The following HYCC2 variants were observed in gnomAD, a reference collection of about 807,000 sequenced individuals.
HYCC2 encodes the protein hyccin 2.
At chr2:201,033,784 C>A in the HYCC2 span, among the ~76,000 whole-genome samples, 1 of 152,050 alleles carries the variant, frequency 6.6e-6, no homozygotes, top group South Asian at 2.1e-4. Context: ...AGCACTCTTC[C>A]CATCTCGGCC....
the HYCC2 span, among the ~76,000 whole-genome samples, chr2:201,031,335 G>C: frequency 4.6e-5 from 7 of 152,022 alleles, no homozygotes; most frequent in African/African-American, 1.7e-4. Context: ...TAACAAAAAA[G>C]AAATCACAAT....
the HYCC2 span, chr2:200,996,366 G>A: frequency 6.6e-6 from 1 of 152,134 alleles, no homozygotes; most frequent in South Asian, 2.1e-4. Flanking sequence ...GGTGGCTCAT[G>A]CCTGTAATCC....
chr2:201,063,785 G>C, the HYCC2 span: 1 of 1,557,906 alleles, frequency 6.4e-7, no homozygotes, highest in Non-Finnish European at 8.7e-7. Flanking sequence ...TGGCAGCCGT[G>C]GTGGTGGTGG....
At chr2:201,020,552 A>G in the HYCC2 span, among the ~76,000 whole-genome samples, 2 of 152,176 alleles carry the variant, frequency 1.3e-5, no homozygotes, top group Non-Finnish European at 2.9e-5. Flanking sequence ...ATCATATTCC[A>G]CTCATCAGGG....
chr2:201,055,362 A>G, the HYCC2 span, among the ~76,000 whole-genome samples: 6 of 151,486 alleles, frequency 4.0e-5, no homozygotes, highest in Non-Finnish European at 8.8e-5. Flanking sequence ...AGCCTGGGCA[A>G]CAAGAGCGAA....
chr2:201,051,251 A>T, the HYCC2 span, among the ~76,000 whole-genome samples: 1 of 152,232 alleles, frequency 6.6e-6, no homozygotes, highest in African/African-American at 2.4e-5. Context: ...TAAAAAGCCT[A>T]TAGCAAGTAT....
the HYCC2 span, among the ~76,000 whole-genome samples, chr2:201,016,108 A>G: frequency 3.4e-4 from 51 of 152,226 alleles, 1 homozygote; most frequent in Non-Finnish European, 6.0e-4. Context: ...TACATCCAAA[A>G]ACATTCATAA....
the HYCC2 span, among the ~76,000 whole-genome samples, chr2:200,982,551 G>T: frequency 4.6e-5 from 7 of 152,234 alleles, no homozygotes; most frequent in African/African-American, 1.7e-4. Context: ...ATCAATTAAT[G>T]TGAAGAAAAT....
the HYCC2 span, among the ~76,000 whole-genome samples, chr2:201,013,880 C>G: frequency 6.6e-6 from 1 of 151,992 alleles, no homozygotes; most frequent in African/African-American, 2.4e-5. Context: ...TATACAACTC[C>G]CCCTGGGGCT....
the HYCC2 span, among the ~76,000 whole-genome samples, chr2:200,993,630 T>A: frequency 6.6e-6 from 1 of 152,132 alleles, no homozygotes; most frequent in Admixed American, 6.5e-5. Flanking sequence ...AATTTTTTTT[T>A]AATTGTTTAT....
the HYCC2 span, among the ~76,000 whole-genome samples, chr2:201,028,092 A>C: frequency 8.5e-5 from 13 of 152,336 alleles, no homozygotes; most frequent in African/African-American, 3.1e-4. Flanking sequence ...AAATCTCCTT[A>C]AGCTGATAAG....
At chr2:201,013,472 T>A in the HYCC2 span, among the ~76,000 whole-genome samples, 6 of 137,204 alleles carry the variant, frequency 4.4e-5, no homozygotes, top group Non-Finnish European at 9.2e-5. Flanking sequence ...GCCACTGCAC[T>A]CCATTTCAAA....
chr2:201,024,118 C>T, the HYCC2 span: 1 of 787,946 alleles, frequency 1.3e-6, no homozygotes, highest in South Asian at 1.6e-5. Context: ...TGCCTTTCAC[C>T]AAGGAAAATT....
the HYCC2 span, among the ~76,000 whole-genome samples, chr2:200,985,207 G>A: frequency 2.6e-5 from 4 of 152,036 alleles, no homozygotes; most frequent in Non-Finnish European, 5.9e-5. Context: ...TACCATTCAT[G>A]GTCCAAAGAG....
the HYCC2 span, chr2:201,017,144 C>A: frequency 6.2e-7 from 1 of 1,613,440 alleles, no homozygotes; most frequent in Non-Finnish European, 8.5e-7. Context: ...AGAGCTCAAA[C>A]AGCTGATGGC....
At chr2:201,024,952 TA>T in the HYCC2 span, among the ~76,000 whole-genome samples, 3 of 146,976 alleles carry the variant, frequency 2.0e-5, no homozygotes, top group Admixed American at 6.8e-5. Context: ...CTATAAAAAA[TA>T]AAAAAAAAAC....
At chr2:200,990,659 A>G in the HYCC2 span, among the ~76,000 whole-genome samples, 1 of 150,574 alleles carries the variant, frequency 6.6e-6, no homozygotes, top group African/African-American at 2.5e-5. Flanking sequence ...TGCAACCTCC[A>G]CCTCCCGGGT....
At chr2:201,016,440 C>G in the HYCC2 span, among the ~76,000 whole-genome samples, 1 of 152,096 alleles carries the variant, frequency 6.6e-6, no homozygotes, top group South Asian at 2.1e-4. Context: ...AGGCATATGC[C>G]ACCATGCCCA....
chr2:201,023,036 G>A, the HYCC2 span: 1 of 744,654 alleles, frequency 1.3e-6, no homozygotes, highest in Non-Finnish European at 2.2e-6. Flanking sequence ...ACTCAAGTGA[G>A]AAAAGTAAAA....
Sources: gnomAD v4.1 joint callset for allele counts (sites outside exome capture counted in the v4.1 genomes callset) on GRCh38, gnomAD v4.1.1 for gene constraint, MANE v1.5 for transcripts, NCBI Gene and HGNC (gene_info 2026-07-23, HGNC 2026-07-21) for gene names.